Variants in PPP1R9A observed in about 807,000 individuals in gnomAD.
PPP1R9A encodes neurabin-1.
PPP1R9A carries 59 observed loss-of-function variants against 141.9 expected under a neutral mutation model. The ratio of observed to expected loss-of-function variants is 0.42; its 90% CI spans 0.34 to 0.52. The LOEUF is 0.52. Ranked by LOEUF, PPP1R9A falls within the 20% of genes least tolerant of loss-of-function variation. PPP1R9A has a pLI of 0.10. For synonymous variants in PPP1R9A, 500 were observed against 569.7 expected (o/e 0.88, Z 1.74); for missense variants, 1,444 against 1,611.9 (o/e 0.90, Z 1.78).
intron 2 of PPP1R9A, among the ~76,000 whole-genome samples, chr7:95,011,448 A>G (rs1388237859): frequency 6.6e-6 from 1 of 151,984 alleles, no homozygotes; most frequent in African/African-American, 2.4e-5. Flanking sequence ...AAAACCTAAG[A>G]TAATGTTTCA....
chr7:94,970,873 A>G (rs1226431911), intron 2 of PPP1R9A, among the ~76,000 whole-genome samples: 1 of 152,066 alleles, frequency 6.6e-6, no homozygotes, highest in Non-Finnish European at 1.5e-5. Flanking sequence ...TGGGTTTTCT[A>G]ACCATGGCTT....
intron 14 of PPP1R9A, among the ~76,000 whole-genome samples, chr7:95,272,043 T>A (rs778164370): frequency 6.6e-6 from 1 of 152,206 alleles, no homozygotes; most frequent in African/African-American, 2.4e-5. Context: ...ATGTGTGAGA[T>A]AAAGATGTAA....
chr7:95,079,138 C>T (rs972839449), intron 2 of PPP1R9A, among the ~76,000 whole-genome samples: 10 of 152,166 alleles, frequency 6.6e-5, no homozygotes, highest in East Asian at 1.9e-4. Context: ...GTCTTTAATC[C>T]GTCTTGAATT....
In PPP1R9A at chr7:95,007,293, C is replaced by G. The variant is rs78896589; in HGVS notation, c.1395+95785C>G. Among the ~76,000 whole-genome samples, 49 of 152,286 alleles carry G rather than the reference C, an allele frequency of 3.2e-4. No individual in the cohort carries two copies. The East Asian group carries it at 9.3e-3, about 29-fold the overall frequency. ...ACATTTAACCCAGATAATTCTTTGTCATGGGAGACTGTCCTGTGCATTGTA... is the reference window on the plus strand; with the variant it reads ...ACATTTAACCCAGATAATTCTTTGTGATGGGAGACTGTCCTGTGCATTGTA... On this transcript the variant is annotated intron_variant, in intron 2 of 19. Transcript: ENST00000433360.
intron 2 of PPP1R9A, among the ~76,000 whole-genome samples, chr7:94,952,746 A>G (rs1279142514): frequency 6.6e-6 from 1 of 152,050 alleles, no homozygotes; most frequent in African/African-American, 2.4e-5. Context: ...GGCCACATAA[A>G]TGTCTTCTTT....
chr7:95,088,591 C>T (rs1040886462), intron 2 of PPP1R9A, among the ~76,000 whole-genome samples: 3 of 151,812 alleles, frequency 2.0e-5, no homozygotes, highest in African/African-American at 7.3e-5. Flanking sequence ...TTTTCTCTGA[C>T]TAATTCTGAA....
intron 14 of PPP1R9A, among the ~76,000 whole-genome samples, chr7:95,271,203 T>C (rs1194361255): frequency 1.3e-5 from 2 of 152,204 alleles, no homozygotes; most frequent in African/African-American, 4.8e-5. Flanking sequence ...GTAGGTTAAG[T>C]ATATAGCTTT....
At chr7:95,201,406 A>G (rs532787503) in intron 6 of PPP1R9A, among the ~76,000 whole-genome samples, 2 of 152,282 alleles carry the variant, frequency 1.3e-5, no homozygotes, top group South Asian at 4.1e-4. Flanking sequence ...TCAACAAAAC[A>G]TGCCCAGATA....
At chr7:95,231,642 A>T (rs568684873) in intron 8 of PPP1R9A, among the ~76,000 whole-genome samples, 3 of 152,304 alleles carry the variant, frequency 2.0e-5, no homozygotes, top group African/African-American at 7.2e-5. Context: ...CTGCTCCTGA[A>T]TGATTGTTGG....
intron 2 of PPP1R9A, among the ~76,000 whole-genome samples, chr7:95,050,178 T>C (rs1036681698): frequency 3.3e-5 from 5 of 152,192 alleles, no homozygotes; most frequent in Non-Finnish European, 5.9e-5. Context: ...ATTTTGGCTA[T>C]TCTAATACAT....
At chr7:95,178,778 A>G (rs536485604) in intron 5 of PPP1R9A, among the ~76,000 whole-genome samples, 1 of 152,166 alleles carries the variant, frequency 6.6e-6, no homozygotes, top group East Asian at 1.9e-4. Context: ...AAAACCTAGA[A>G]GAGATGGATA....
At chr7:95,209,982 C>T (rs143571303) in intron 7 of PPP1R9A, among the ~76,000 whole-genome samples, 2 of 152,120 alleles carry the variant, frequency 1.3e-5, no homozygotes, top group Non-Finnish European at 2.9e-5. Flanking sequence ...TAAAATGAAA[C>T]TCAAGGAAGA....
intron 5 of PPP1R9A, among the ~76,000 whole-genome samples, chr7:95,169,668 C>A (rs1319726532): frequency 6.6e-6 from 1 of 151,722 alleles, no homozygotes; most frequent in Non-Finnish European, 1.5e-5. Context: ...ATGTTTATAT[C>A]AATTAAAAAA....
chr7:95,224,922 G>A (rs1235439405), intron 7 of PPP1R9A, among the ~76,000 whole-genome samples: 1 of 150,918 alleles, frequency 6.6e-6, no homozygotes, highest in Non-Finnish European at 1.5e-5. Context: ...ACAGGGATGA[G>A]TTCAATGAAC....
chr7:94,921,292 A>G (rs1194015458), intron 2 of PPP1R9A, among the ~76,000 whole-genome samples: 4 of 151,910 alleles, frequency 2.6e-5, no homozygotes, highest in Admixed American at 1.3e-4. Context: ...TAAAAATACA[A>G]AAAAATTAGC....
chr7:95,053,108 G>C (rs1811037444), intron 2 of PPP1R9A, among the ~76,000 whole-genome samples: 1 of 152,108 alleles, frequency 6.6e-6, no homozygotes, highest in Non-Finnish European at 1.5e-5. Context: ...TAGCATTGGT[G>C]GGACGACTTC....
At chr7:95,081,537 A>C (rs1305498235) in intron 2 of PPP1R9A, among the ~76,000 whole-genome samples, 1 of 152,162 alleles carries the variant, frequency 6.6e-6, no homozygotes, top group East Asian at 1.9e-4. Flanking sequence ...GAACAAATGA[A>C]GGTAAGTGAA....
intron 7 of PPP1R9A, 128 bp from the exon 8 acceptor site, chr7:95,225,833 C>A: frequency 1.1e-6 from 1 of 951,950 alleles, no homozygotes. Flanking sequence ...GCATGCTTGG[C>A]TGAAAAACCT....
At position 95,000,937 on chromosome 7, in the gene PPP1R9A, A is replaced by G. The variant is rs997657563; in HGVS notation, c.1395+89429A>G. The stretch of plus-strand genomic sequence containing the variant: ...TCACTGTATTTAGTGGGAAAATGTC[A>G]TTTCAAAGGTTGATTCTGATCTTTA... On this transcript the variant is annotated intron_variant, in intron 2 of 19. Transcript: ENST00000433360. 3.5e-4 allele frequency among the ~76,000 whole-genome samples: 53 copies of G among 152,302 alleles called. 1 individual carries two copies. The highest frequency in any genetic ancestry group is 3.1e-3 in the Admixed American group (47 of 15,294).
Sources: allele counts gnomAD v4.1 joint callset (sites outside exome capture counted in the v4.1 genomes callset), GRCh38; gene constraint gnomAD v4.1.1; transcripts MANE v1.5; gene names NCBI Gene and HGNC (gene_info 2026-07-23, HGNC 2026-07-21).